The following KIF26B variants were observed in gnomAD, a reference collection of about 807,000 sequenced individuals.
The protein encoded by KIF26B is kinesin-like protein KIF26B.
Under a neutral mutation model 151.2 loss-of-function variants are expected in KIF26B, and 63 were observed. That is an observed-to-expected ratio of 0.42 (90% confidence interval 0.34 to 0.51). The LOEUF is 0.51. Among genes scored for constraint, KIF26B ranks in the 20% least tolerant of loss-of-function variants. KIF26B has a pLI of 0.07. For synonymous variants in KIF26B, 1,357 were observed against 1,262.1 expected (o/e 1.08, Z -1.59); for missense variants, 2,813 against 2,913.6 (o/e 0.97, Z 0.79).
intron 4 of KIF26B, among the ~76,000 whole-genome samples, chr1:245,426,220 T>C (rs989924567): frequency 2.0e-5 from 3 of 151,724 alleles, no homozygotes; most frequent in African/African-American, 7.3e-5. Context: ...CCCTCCCTTC[T>C]TTCCTCCCTT....
At position 245,705,399 on chromosome 1, in the gene KIF26B, T is replaced by C. The variant is rs748356849; in HGVS notation, c.*2793T>C. ...TTCCTGTCTCTGCCTATAAATTGACTGTATTGATGATGAAGGAAGGAGTTC... is the reference window on the plus strand; with the variant it reads ...TTCCTGTCTCTGCCTATAAATTGACCGTATTGATGATGAAGGAAGGAGTTC... On this transcript the variant is annotated 3_prime_UTR_variant, in exon 15 of 15. Transcript: ENST00000407071. 2 of 152,138 alleles carry C rather than the reference T, an allele frequency of 1.3e-5. No individual in the cohort carries two copies. The highest frequency in any genetic ancestry group is 2.1e-4 in the South Asian group (1 of 4,822). The allele number at this position is 152,138 out of a possible 1,614,324, so 9.4% of individuals were successfully genotyped here.
intron 5 of KIF26B, among the ~76,000 whole-genome samples, chr1:245,552,055 G>C (rs973411707): frequency 3.5e-4 from 18 of 50,980 alleles, no homozygotes; most frequent in Non-Finnish European, 7.0e-4. Flanking sequence ...ACTGTCATAG[G>C]TGTCATAGGT....
At chr1:245,544,328 T>C (rs1276188039) in intron 5 of KIF26B, among the ~76,000 whole-genome samples, 2 of 152,160 alleles carry the variant, frequency 1.3e-5, no homozygotes, top group East Asian at 1.9e-4. Context: ...GCAAGTTGAT[T>C]GATTATTTAA....
At chr1:245,631,950 G>C (rs2103172487) in intron 9 of KIF26B, among the ~76,000 whole-genome samples, 1 of 151,136 alleles carries the variant, frequency 6.6e-6, no homozygotes. Flanking sequence ...TTTTTTCTTG[G>C]TTAGTCTAAC....
chr1:245,336,423 G>A (rs1672235044), intron 2 of KIF26B, among the ~76,000 whole-genome samples: 1 of 152,236 alleles, frequency 6.6e-6, no homozygotes, highest in South Asian at 2.1e-4. Flanking sequence ...CCTCCGACTG[G>A]CGGCTGCGTG....
intron 2 of KIF26B, among the ~76,000 whole-genome samples, chr1:245,351,183 G>A (rs943477461): frequency 3.3e-5 from 5 of 152,178 alleles, no homozygotes; most frequent in South Asian, 2.1e-4. Flanking sequence ...AAAATGAGCC[G>A]GACATTGAGC....
chr1:245,456,534 G>A (rs1209153564), intron 4 of KIF26B, among the ~76,000 whole-genome samples: 1 of 152,196 alleles, frequency 6.6e-6, no homozygotes, highest in Non-Finnish European at 1.5e-5. Context: ...TTTAAAAGTT[G>A]TTTCCTTTTC....
At chr1:245,656,867 C>G (rs10924286) in intron 10 of KIF26B, among the ~76,000 whole-genome samples, 27,454 of 151,858 alleles carry the variant, frequency 0.18, 4,653 homozygotes, top group African/African-American at 0.45. Flanking sequence ...TATTTCATGT[C>G]TAATTGAACA....
chr1:245,640,122 G>GCTCGCTCCCTCTCTCTCTCTCTCTCT (rs1553299289), intron 9 of KIF26B, among the ~76,000 whole-genome samples: 1 of 53,974 alleles, frequency 1.9e-5, no homozygotes, highest in African/African-American at 7.5e-5. Flanking sequence ...ACTAATATTT[G>GCTCGCTCCCTCTCTCTCTCTCTCTCT]CTCTCTCTCT....
intron 2 of KIF26B, among the ~76,000 whole-genome samples, chr1:245,323,494 TAAG>T (rs987674151): frequency 2.8e-4 from 43 of 152,298 alleles, no homozygotes; most frequent in African/African-American, 8.2e-4. Context: ...TGAACAAAAT[TAAG>T]AAGATCAGCC....
intron 2 of KIF26B, among the ~76,000 whole-genome samples, chr1:245,342,690 G>A (rs1672358956): frequency 6.6e-6 from 1 of 152,182 alleles, no homozygotes; most frequent in Admixed American, 6.5e-5. Flanking sequence ...ACCCTGGGAG[G>A]TGATGATGCA....
intron 3 of KIF26B, among the ~76,000 whole-genome samples, chr1:245,368,182 T>C (rs1673008596): frequency 6.6e-6 from 1 of 152,216 alleles, no homozygotes; most frequent in Non-Finnish European, 1.5e-5. Flanking sequence ...CCTTAAGAAC[T>C]ACTGGGATTG....
At chr1:245,653,977 C>T (rs141700471) in intron 10 of KIF26B, among the ~76,000 whole-genome samples, 2 of 152,144 alleles carry the variant, frequency 1.3e-5, no homozygotes, top group East Asian at 1.9e-4. Context: ...GTGGAAGGAT[C>T]GCTTGAACCC....
chr1:245,574,034 T>A (rs1336482952), intron 5 of KIF26B, among the ~76,000 whole-genome samples: 1 of 152,242 alleles, frequency 6.6e-6, no homozygotes, highest in Non-Finnish European at 1.5e-5. Flanking sequence ...AACTCAAACC[T>A]TGGAAAACAA....
intron 2 of KIF26B, among the ~76,000 whole-genome samples, chr1:245,319,777 A>G (rs944378681): frequency 6.6e-6 from 1 of 152,170 alleles, no homozygotes; most frequent in Non-Finnish European, 1.5e-5. Context: ...TTCTAAAATC[A>G]GGTTGGAGAA....
chr1:245,174,911 A>C (rs1668777506), intron 2 of KIF26B, among the ~76,000 whole-genome samples: 1 of 152,128 alleles, frequency 6.6e-6, no homozygotes, highest in African/African-American at 2.4e-5. Flanking sequence ...AAGGAATGGG[A>C]ATTATCATAA....
rs1482971254 is a variant in KIF26B at position 245,156,495 on chromosome 1, G to C, written c.277G>C (p.Gly93Arg). 2 of 1,526,808 alleles carry C rather than the reference G, an allele frequency of 1.3e-6. No homozygotes were observed. Among genetic ancestry groups the C allele is most frequent in the African/African-American group, 1.4e-5 (1 of 71,400 alleles). The allele number at this position is 1,526,808 out of a possible 1,614,324, so 94.6% of individuals were successfully genotyped here. The change falls in exon 2 of 15, where the codon GGC becomes CGC. Residue 93 changes from glycine to arginine, a missense_variant. Physicochemically the swap from Gly to Arg is moderately radical, Grantham distance 125. Around this residue, in one of 3 missense-constraint regions of KIF26B, gnomAD observed 676 missense variants for 688.1 expected, o/e 0.98. Transcript: ENST00000407071. ...GSPGPASPGIGTSSPGSLGGS... is the reference protein window; with the variant it reads ...GSPGPASPGIRTSSPGSLGGS... ...CCCGGGACCCGCCTCCCCCGGCATCGGCACTAGTTCGCCGGGCTCCTTGGG... is the reference window on the plus strand; with the variant it reads ...CCCGGGACCCGCCTCCCCCGGCATCCGCACTAGTTCGCCGGGCTCCTTGGG...
intron 2 of KIF26B, among the ~76,000 whole-genome samples, chr1:245,215,396 G>A (rs367684987): frequency 6.6e-6 from 1 of 152,138 alleles, no homozygotes; most frequent in Non-Finnish European, 1.5e-5. Flanking sequence ...GAAGGACAGA[G>A]CTGCCTGATG....
intron 4 of KIF26B, among the ~76,000 whole-genome samples, chr1:245,470,632 G>A (rs930053662): frequency 2.0e-4 from 31 of 151,616 alleles, no homozygotes; most frequent in Admixed American, 1.1e-3. Context: ...GGGTTTCACC[G>A]AGTTAGCCAG....
Sources: gnomAD v4.1 joint callset for allele counts (sites outside exome capture counted in the v4.1 genomes callset) on GRCh38, gnomAD v4.1.1 for gene constraint, gnomAD v4.1.1 regional missense constraint, MANE v1.5 for transcripts, NCBI Gene and HGNC (gene_info 2026-07-23, HGNC 2026-07-21) for gene names.